The following ANK3 variants were observed in gnomAD, a reference collection of about 807,000 sequenced individuals.
The protein encoded by ANK3 is ankyrin 3.
In ANK3, 57 loss-of-function variants were observed where a neutral mutation model predicts 370.9. That is an observed-to-expected ratio of 0.15 (90% CI 0.12 to 0.19). The LOEUF (loss-of-function observed/expected upper bound fraction) is 0.19, where lower values mean the gene tolerates loss of function less well. ANK3 is among the 10% of genes least tolerant of loss of function. ANK3 has a pLI of 1.00. For synonymous variants in ANK3, 1,929 were observed against 1,946.3 expected (o/e 0.99, Z 0.23); for missense variants, 4,439 against 5,302.1 (o/e 0.84, Z 5.06).
intron 1 of ANK3, among the ~76,000 whole-genome samples, chr10:60,679,461 G>C (rs1462305411): frequency 2.6e-5 from 4 of 152,172 alleles, no homozygotes; most frequent in African/African-American, 9.7e-5. Context: ...AAGATTTCAG[G>C]AGTTGAGTGA....
At chr10:60,159,756 G>T (rs1010797072) in intron 23 of ANK3, among the ~76,000 whole-genome samples, 2 of 152,020 alleles carry the variant, frequency 1.3e-5, no homozygotes, top group Non-Finnish European at 2.9e-5. Flanking sequence ...GAAATCAATA[G>T]CAAGAGAAAC....
At chr10:60,634,743 C>A (rs113558375) in intron 1 of ANK3, among the ~76,000 whole-genome samples, 1,623 of 152,150 alleles carry the variant, frequency 0.011, 23 homozygotes, top group African/African-American at 0.037. Flanking sequence ...TAACACTCAC[C>A]GAGAAGGTCC....
intron 23 of ANK3, among the ~76,000 whole-genome samples, chr10:60,145,337 T>C (rs1363280336): frequency 6.6e-6 from 1 of 152,210 alleles, no homozygotes; most frequent in East Asian, 1.9e-4. Flanking sequence ...AATAGTCTAA[T>C]ACACAAGAGA....
intron 2 of ANK3, among the ~76,000 whole-genome samples, chr10:60,566,491 T>G (rs1018827040): frequency 2.6e-5 from 4 of 152,202 alleles, no homozygotes; most frequent in Non-Finnish European, 4.4e-5. Flanking sequence ...GAAATTAATG[T>G]GCTACTCTAG....
chr10:60,719,948 G>C (rs1026278950), intron 1 of ANK3, among the ~76,000 whole-genome samples: 26 of 152,118 alleles, frequency 1.7e-4, no homozygotes, highest in African/African-American at 6.3e-4. Context: ...AAATAGAAGA[G>C]AGATTAGCTT....
intron 29 of ANK3, among the ~76,000 whole-genome samples, chr10:60,087,346 T>C (rs1339718357): frequency 1.3e-5 from 2 of 152,252 alleles, no homozygotes; most frequent in Non-Finnish European, 2.9e-5. Flanking sequence ...TCTAGTCTAC[T>C]AAGCCTCTCT....
At chr10:60,209,995 G>A (rs1345934987) in intron 9 of ANK3, among the ~76,000 whole-genome samples, 1 of 152,164 alleles carries the variant, frequency 6.6e-6, no homozygotes, top group Non-Finnish European at 1.5e-5. Flanking sequence ...TACATATGGT[G>A]CCTGAAAATA....
chr10:60,444,483 T>C (rs1315120793), intron 2 of ANK3, among the ~76,000 whole-genome samples: 2 of 151,226 alleles, frequency 1.3e-5, no homozygotes, highest in Non-Finnish European at 2.9e-5. Context: ...TGAAAGGAGA[T>C]ACAGACTGGA....
chr10:60,715,215 A>ATG (rs5785463), intron 1 of ANK3, among the ~76,000 whole-genome samples: 51,214 of 146,992 alleles, frequency 0.35, 8,781 homozygotes, highest in Middle Eastern at 0.36. Flanking sequence ...ACATATACAA[A>ATG]TGTGTGTGTG....
chr10:60,465,626 TGC>T lies in ANK3; in HGVS notation c.96+149558_96+149559del, dbSNP rs1437074900. 2.0e-5 allele frequency among the ~76,000 whole-genome samples: 3 copies of T among 152,188 alleles called. No individual in the cohort carries two copies. The East Asian group carries it at 5.8e-4, about 29-fold the overall frequency. On this transcript the variant is annotated intron_variant, in intron 2 of 43. Transcript: ENST00000373827. ...GGGATATTGAAAGGCTAGGTCACTCTGCCACTGAGGCCAAACATTGCAGGATT... is the reference window on the plus strand; with the variant it reads ...GGGATATTGAAAGGCTAGGTCACTCTCACTGAGGCCAAACATTGCAGGATT...
At chr10:60,096,095 C>T (rs1357751681) in intron 28 of ANK3, among the ~76,000 whole-genome samples, 1 of 152,112 alleles carries the variant, frequency 6.6e-6, no homozygotes, top group Non-Finnish European at 1.5e-5. Flanking sequence ...ATCACTAGAA[C>T]CCGGGAGGTG....
Position 60,684,620 on chromosome 10 carries a change from G to A in ANK3, c.57+48643C>T, listed in dbSNP as rs111629105. ...GCTGGAAAGACAACTGTCTTATACA[G>A]GCTGCAGTTCAATGAATTTGTAAAT... On this transcript the variant is annotated intron_variant, in intron 1 of 43. Transcript: ENST00000373827. 38 of 1,590,136 alleles carry A rather than the reference G, an allele frequency of 2.4e-5. 1 individual carries two copies. Among genetic ancestry groups the A allele is most frequent in the African/African-American group, 2.3e-4 (17 of 74,438 alleles).
At chr10:60,252,565 C>A (rs967480766) in intron 7 of ANK3, among the ~76,000 whole-genome samples, 1 of 152,122 alleles carries the variant, frequency 6.6e-6, no homozygotes, top group Non-Finnish European at 1.5e-5. Flanking sequence ...AGCAACAATT[C>A]TAGAGCAGCA....
At chr10:60,426,300 T>C (rs2063885662) in intron 2 of ANK3, among the ~76,000 whole-genome samples, 1 of 152,084 alleles carries the variant, frequency 6.6e-6, no homozygotes, top group African/African-American at 2.4e-5. Flanking sequence ...TAAATCTATA[T>C]TCCATCTCAC....
At chr10:60,436,778 C>T (rs1595032123) in intron 2 of ANK3, among the ~76,000 whole-genome samples, 1 of 152,206 alleles carries the variant, frequency 6.6e-6, no homozygotes, top group Admixed American at 6.5e-5. Flanking sequence ...CTGATAATGT[C>T]CCTTGAAGCA....
chr10:60,501,705 CAAAAAAAAAAA>C (rs376934079), intron 2 of ANK3, among the ~76,000 whole-genome samples: 1 of 79,800 alleles, frequency 1.3e-5, no homozygotes, highest in African/African-American at 5.0e-5. Flanking sequence ...GACTCTGTCT[CAAAAAAAAAAA>C]AAAAAAAGAA....
chr10:60,308,606 A>G (rs1278621185), intron 1 of ANK3, among the ~76,000 whole-genome samples: 2 of 151,888 alleles, frequency 1.3e-5, no homozygotes. Flanking sequence ...TGTTGTTGGG[A>G]CCATGAGGTC....
chr10:60,709,827 CAAAAA>C (rs370504421), intron 1 of ANK3, among the ~76,000 whole-genome samples: 1 of 71,478 alleles, frequency 1.4e-5, no homozygotes, highest in Admixed American at 1.6e-4. Context: ...GACCCCATCT[CAAAAA>C]AAAAAAAAAG....
At chr10:60,177,836 G>C (rs1246217875) in intron 18 of ANK3, among the ~76,000 whole-genome samples, 1 of 151,982 alleles carries the variant, frequency 6.6e-6, no homozygotes, top group Non-Finnish European at 1.5e-5. Flanking sequence ...TCTTGACCTC[G>C]TGATCTGGCC....
Sources: gnomAD v4.1 joint callset for allele counts (sites outside exome capture counted in the v4.1 genomes callset) on GRCh38, gnomAD v4.1.1 for gene constraint, MANE v1.5 for transcripts, NCBI Gene and HGNC (gene_info 2026-07-23, HGNC 2026-07-21) for gene names.